ZC3H12B: variants seen among roughly 807,000 people sequenced by gnomAD.
ZC3H12B encodes zinc finger CCCH-type containing 12B.
Under a neutral mutation model 43.9 loss-of-function variants are expected in ZC3H12B, and 7 were observed. The observed-to-expected ratio is 0.16, with a 90% CI of 0.09 to 0.30. The LOEUF is 0.30. ZC3H12B is among the 10% of genes least tolerant of loss of function. The pLI is 1.00. For missense variants in ZC3H12B, 475 were observed against 670.2 expected (o/e 0.71, Z 3.22); for synonymous variants, 222 against 241.7 (o/e 0.92, Z 0.76).
the ZC3H12B span, among the ~76,000 whole-genome samples, chrX:65,125,438 T>C: frequency 9.0e-6 from 1 of 111,662 alleles, no homozygotes; most frequent in African/African-American, 3.3e-5. Context: ...TTCCATGTGC[T>C]GATGAATAGA....
At chrX:65,048,264 A>G in the ZC3H12B span, among the ~76,000 whole-genome samples, 1 of 111,524 alleles carries the variant, frequency 9.0e-6, no homozygotes, top group Non-Finnish European at 1.9e-5. Flanking sequence ...TAGAAGCTGA[A>G]TAATATTCTA....
chrX:65,192,719 A>G, the ZC3H12B span, among the ~76,000 whole-genome samples: 1 of 110,804 alleles, frequency 9.0e-6, no homozygotes, highest in African/African-American at 3.3e-5. Flanking sequence ...GATGAATGAT[A>G]TTTTTATGTT....
chrX:65,128,731 A>G, the ZC3H12B span, among the ~76,000 whole-genome samples: 5 of 112,093 alleles, frequency 4.5e-5, no homozygotes, highest in Admixed American at 9.4e-5. Context: ...CTAAAGCTCT[A>G]TTATTTAGTG....
At chrX:65,112,250 G>C in the ZC3H12B span, among the ~76,000 whole-genome samples, 1 of 111,786 alleles carries the variant, frequency 8.9e-6, no homozygotes, top group Non-Finnish European at 1.9e-5. Flanking sequence ...GAGAGGTGAA[G>C]AAACTGCGGA....
chrX:65,378,490 A>T (rs1488075187), intron 2 of ZC3H12B, among the ~76,000 whole-genome samples: 2 of 112,204 alleles, frequency 1.8e-5, no homozygotes, highest in Non-Finnish European at 3.8e-5. Flanking sequence ...TTAAGAAATT[A>T]AAGCATACCA....
Position 65,502,583 on chromosome X carries a change from C to T in ZC3H12B, c.1885C>T (p.Pro629Ser), listed in dbSNP as rs756665932. The T allele has an allele frequency of 8.3e-7, 1 of 1,208,408 alleles. No individual in the cohort carries two copies. Among genetic ancestry groups the T allele is most frequent in the African/African-American group, 1.8e-5 (1 of 56,957 alleles). The change falls in exon 5 of 5, where the codon CCT becomes TCT. Residue 629 changes from proline to serine, a missense_variant. By Grantham distance (74) the Pro-to-Ser change is moderately conservative. Around this residue, in one of 3 missense-constraint regions of ZC3H12B, gnomAD observed 289 missense variants for 359.9 expected, o/e 0.80. Transcript: ENST00000338957. ...ATCCCAGAACCGACTTCAGCCTTTT[C>T]CTCATGGTTACCATGAAGCCTTAAC...
At chrX:65,146,846 C>A in the ZC3H12B span, among the ~76,000 whole-genome samples, 1 of 111,255 alleles carries the variant, frequency 9.0e-6, no homozygotes, top group Non-Finnish European at 1.9e-5. Flanking sequence ...GATACAAGCA[C>A]AATATTTGGG....
chrX:65,345,697 AAAAT>A, the ZC3H12B span, among the ~76,000 whole-genome samples: 4 of 111,848 alleles, frequency 3.6e-5, no homozygotes, highest in East Asian at 2.8e-4. Flanking sequence ...CTTAAAATAA[AAAAT>A]AAATAAAGTT....
chrX:65,149,812 TAATA>T, the ZC3H12B span, among the ~76,000 whole-genome samples: 3 of 84,330 alleles, frequency 3.6e-5, no homozygotes, highest in Admixed American at 1.3e-4. Context: ...ATAATAATAA[TAATA>T]AATAAAAGTA....
intron 3 of ZC3H12B, among the ~76,000 whole-genome samples, chrX:65,461,846 TA>T (rs938503096): frequency 2.8e-5 from 3 of 107,618 alleles, no homozygotes; most frequent in Admixed American, 9.9e-5. Context: ...AAAAGCATAA[TA>T]AAAAAAATAA....
the ZC3H12B span, among the ~76,000 whole-genome samples, chrX:65,045,481 A>T: frequency 1.1e-4 from 12 of 112,008 alleles, no homozygotes; most frequent in African/African-American, 3.9e-4. Context: ...TTGCTCATTC[A>T]TAAGAAGCAA....
chrX:65,443,191 T>C (rs1270045812), intron 3 of ZC3H12B, among the ~76,000 whole-genome samples: 1 of 111,430 alleles, frequency 9.0e-6, no homozygotes, highest in East Asian at 2.8e-4. Flanking sequence ...ATCTGTCCCA[T>C]TGTTACCCTG....
the ZC3H12B span, among the ~76,000 whole-genome samples, chrX:65,127,408 G>C: frequency 8.9e-6 from 1 of 111,983 alleles, no homozygotes; most frequent in Non-Finnish European, 1.9e-5. Flanking sequence ...GAGGTAGCAG[G>C]AGAGTGAAAT....
intron 2 of ZC3H12B, among the ~76,000 whole-genome samples, chrX:65,373,981 AT>A (rs1392287203): frequency 1.9e-4 from 9 of 47,071 alleles, no homozygotes; most frequent in Admixed American, 3.5e-4. Context: ...GTATATATAT[AT>A]ACTATATATA....
chrX:65,437,761 A>T (rs1009650942), intron 3 of ZC3H12B, among the ~76,000 whole-genome samples: 1 of 111,371 alleles, frequency 9.0e-6, no homozygotes, highest in Non-Finnish European at 1.9e-5. Flanking sequence ...AAATAACCCC[A>T]TTCATCCATT....
At chrX:65,136,982 A>G in the ZC3H12B span, among the ~76,000 whole-genome samples, 19 of 111,949 alleles carry the variant, frequency 1.7e-4, no homozygotes, top group Admixed American at 1.7e-3. Flanking sequence ...CACAGCTGAT[A>G]TTTTATAAAT....
the ZC3H12B span, among the ~76,000 whole-genome samples, chrX:65,190,571 G>A: frequency 9.5e-6 from 1 of 105,759 alleles, no homozygotes; most frequent in Admixed American, 1.0e-4. Context: ...TTGTGAATGG[G>A]AGTTCACTCA....
the ZC3H12B span, among the ~76,000 whole-genome samples, chrX:65,228,228 T>C: frequency 8.9e-6 from 1 of 111,858 alleles, no homozygotes; most frequent in Admixed American, 9.5e-5. Flanking sequence ...GCTGGTTCAA[T>C]ATACACAAAT....
the ZC3H12B span, among the ~76,000 whole-genome samples, chrX:65,334,533 C>T: frequency 6.2e-5 from 7 of 112,253 alleles, no homozygotes; most frequent in African/African-American, 6.5e-5. Flanking sequence ...AAGAGCATTA[C>T]ATTTTTTGCT....
Sources: allele counts gnomAD v4.1 joint callset (sites outside exome capture counted in the v4.1 genomes callset), GRCh38; gene constraint gnomAD v4.1.1; regional missense constraint gnomAD v4.1.1; transcripts MANE v1.5; gene names NCBI Gene and HGNC (gene_info 2026-07-23, HGNC 2026-07-21).